Variants in PRDM11 observed in about 807,000 individuals in gnomAD.
The protein encoded by PRDM11 is PR/SET domain 11, also known as PR domain-containing protein 11.
Under a neutral mutation model 97.8 loss-of-function variants are expected in PRDM11, and 20 were observed. The ratio of observed to expected loss-of-function variants is 0.20; its 90% confidence interval spans 0.14 to 0.30. The LOEUF (loss-of-function observed/expected upper bound fraction) is 0.30. Among genes scored for constraint, PRDM11 ranks in the 10% least tolerant of loss-of-function variants. The pLI is 1.00. For synonymous variants in PRDM11, 599 were observed against 637.7 expected, an observed-to-expected ratio of 0.94 and a Z score of 0.91; for missense variants, 1,139 against 1,555.2, an observed-to-expected ratio of 0.73 and a Z score of 4.50.
chr11:45,143,365 T>C (rs1038149382), upstream of PRDM11, among the ~76,000 whole-genome samples: 1 of 152,166 alleles, frequency 6.6e-6, no homozygotes, highest in African/African-American at 2.4e-5. Context: ...GATGGACTTT[T>C]CCTTCTAAAG....
Position 45,230,573 on chromosome 11 carries a change from C to G in PRDM11, c.*2414C>G, listed in dbSNP as rs1854380624. The G allele has an allele frequency of 6.6e-6, 1 of 152,262 alleles. No individual in the cohort carries two copies. The highest frequency in any genetic ancestry group is 1.5e-5 in the Non-Finnish European group (1 of 68,066). 9.4% of individuals were successfully genotyped at this position (152,262 alleles called of 1,614,324 possible). ...GGGACTTCCTCTCCCCTCACACACG[C>G]AAACTGCTGTGTCTGGGGAGTTTTC... On this transcript the variant is annotated 3_prime_UTR_variant, in exon 8 of 8. Coordinates refer to ENST00000683152, the MANE Select transcript of PRDM11 (RefSeq NM_001384648.1).
chr11:45,141,792 A>G (rs570877287), upstream of PRDM11, among the ~76,000 whole-genome samples: 3 of 152,282 alleles, frequency 2.0e-5, no homozygotes, highest in Admixed American at 1.3e-4. Flanking sequence ...CCATGCTTCT[A>G]TTATCTCTAG....
chr11:45,204,634 C>G, intron 4 of PRDM11, 77 bp from the exon 5 acceptor site: 1 of 1,354,214 alleles, frequency 7.4e-7, no homozygotes, highest in Non-Finnish European at 1.1e-6. Context: ...AGGCCCTGGG[C>G]CCTGGTTGGG....
At chr11:45,103,876 AG>A (rs1213131042) in intron 1 of PRDM11, among the ~76,000 whole-genome samples, 1 of 151,950 alleles carries the variant, frequency 6.6e-6, no homozygotes, top group African/African-American at 2.4e-5. Flanking sequence ...CATGTAAGAA[AG>A]GGGCTTAGCT....
At chr11:45,156,622 A>G (rs1031462186) in intron 1 of PRDM11, among the ~76,000 whole-genome samples, 2 of 152,276 alleles carry the variant, frequency 1.3e-5, no homozygotes, top group Non-Finnish European at 2.9e-5. Context: ...ATCTGTTGGC[A>G]TCAGATTGGA....
upstream of PRDM11, among the ~76,000 whole-genome samples, chr11:45,145,405 CT>C (rs1333965554): frequency 1.3e-5 from 2 of 151,456 alleles, no homozygotes; most frequent in Non-Finnish European, 3.0e-5. Context: ...GCACCCCCAT[CT>C]GACCATGAAC....
upstream of PRDM11, among the ~76,000 whole-genome samples, chr11:45,146,147 G>C (rs546456452): frequency 1.1e-4 from 16 of 152,268 alleles, no homozygotes; most frequent in Admixed American, 3.3e-4. Flanking sequence ...GGACGCCTGC[G>C]TCTCGCAACT....
Position 45,228,017 on chromosome 11 carries a change from G to A in PRDM11, c.3392G>A (p.Arg1131Gln), listed in dbSNP as rs1486312164. The A allele has an allele frequency of 1.0e-5, 16 of 1,533,580 alleles. No homozygotes were observed. The highest frequency in any genetic ancestry group is 5.5e-5 in the African/African-American group (4 of 72,858). 95.0% of individuals were successfully genotyped at this position (1,533,580 alleles called of 1,614,324 possible). A position where few individuals can be genotyped will look rare whatever the true frequency, so the allele number is the denominator to read the frequency against. Residue 1131 changes from arginine (R) to glutamine (Q), a missense_variant, in exon 8 of 8, where the codon CGA becomes CAA. Arg to Gln is a conservative substitution (Grantham distance 43). Coordinates refer to ENST00000683152, the MANE Select transcript of PRDM11 (RefSeq NM_001384648.1). Reference protein sequence around the residue: ...GPPITNFDAKRALDSWFEEKS... With the variant: ...GPPITNFDAKQALDSWFEEKS... Reference sequence around the variant, plus strand: ...CCAATCACCAACTTTGATGCCAAGCGAGCCCTGGACAGCTGGTTTGAGGAG... The same window carrying A: ...CCAATCACCAACTTTGATGCCAAGCAAGCCCTGGACAGCTGGTTTGAGGAG...
chr11:45,169,046 G>A (rs1852137782), intron 1 of PRDM11, among the ~76,000 whole-genome samples: 1 of 152,202 alleles, frequency 6.6e-6, no homozygotes, highest in Non-Finnish European at 1.5e-5. Flanking sequence ...TGGTTGGGAG[G>A]AGCCCCCTCT....
intron 4 of PRDM11, among the ~76,000 whole-genome samples, chr11:45,195,384 C>T (rs945267818): frequency 2.6e-5 from 4 of 151,992 alleles, no homozygotes; most frequent in African/African-American, 7.3e-5. Flanking sequence ...TTCAACCCCT[C>T]ACCCCCACCC....
chr11:45,167,907 G>A (rs1852105893), intron 1 of PRDM11, among the ~76,000 whole-genome samples: 1 of 152,162 alleles, frequency 6.6e-6, no homozygotes, highest in Non-Finnish European at 1.5e-5. Flanking sequence ...GTGGTTTCAA[G>A]CATCTTCTGA....
At chr11:45,117,051 C>T (rs1852317498) in intron 1 of PRDM11, among the ~76,000 whole-genome samples, 1 of 152,032 alleles carries the variant, frequency 6.6e-6, no homozygotes, top group Non-Finnish European at 1.5e-5. Context: ...TGGTGAAACC[C>T]TGTCTCTACT....
chr11:45,188,759 G>A (rs1394515224), intron 4 of PRDM11, among the ~76,000 whole-genome samples: 1 of 152,194 alleles, frequency 6.6e-6, no homozygotes, highest in Non-Finnish European at 1.5e-5. Flanking sequence ...GTGATTCATT[G>A]CCAAGATCAC....
At chr11:45,127,303 A>G (rs1852596605) in intron 1 of PRDM11, among the ~76,000 whole-genome samples, 1 of 152,162 alleles carries the variant, frequency 6.6e-6, no homozygotes, top group African/African-American at 2.4e-5. Context: ...AGCTCGGAGT[A>G]GTTTGATCAT....
chr11:45,094,874 G>A (rs905802228), upstream of PRDM11, among the ~76,000 whole-genome samples: 2 of 143,222 alleles, frequency 1.4e-5, no homozygotes, highest in Middle Eastern at 3.8e-3. Flanking sequence ...AGGAAGGGAA[G>A]GAAGAGAGGA....
At chr11:45,131,652 A>T (rs1470954643) in intron 1 of PRDM11, among the ~76,000 whole-genome samples, 1 of 152,222 alleles carries the variant, frequency 6.6e-6, no homozygotes, top group Non-Finnish European at 1.5e-5. Context: ...GCCATTCAAA[A>T]TCCTATTACA....
chr11:45,224,814 T>G lies in PRDM11; in HGVS notation c.1340T>G (p.Leu447Arg), dbSNP rs1172017385. 6.2e-7 allele frequency: 1 copy of G among 1,614,060 alleles called. No individual in the cohort carries two copies. The highest frequency in any genetic ancestry group is 8.5e-7 in the Non-Finnish European group (1 of 1,180,048). ...CCCCCCGTATTGCCACCACAGGTACTGGAGCTCCCAGAGTTCTCGGACCCT... is the reference window on the plus strand; with the variant it reads ...CCCCCCGTATTGCCACCACAGGTACGGGAGCTCCCAGAGTTCTCGGACCCT... ...PEPPVLPPQV[L>R]ELPEFSDPAA... Residue 447 changes from leucine to arginine, a missense_variant, in exon 7 of 8, where the codon CTG becomes CGG. Leu to Arg is a moderately radical substitution (Grantham distance 102). Coordinates refer to ENST00000683152, the MANE Select transcript of PRDM11 (RefSeq NM_001384648.1).
In PRDM11 at chr11:45,226,353, C is replaced by T. The variant is rs1403217982; in HGVS notation, c.1728C>T (p.Arg576=). ...AGTGCCTGCAACTGTACAAGCTCCG[C>T]ATGCACCCGGAGAAGACAGAGGAGA... The part of the protein sequence containing the change: ...HKKCLQLYKL[R]MHPEKTEEMC... The change falls in exon 8 of 8, where the codon CGC becomes CGT. Residue 576 remains arginine, a synonymous_variant. Transcript: ENST00000683152. 2.6e-6 allele frequency: 4 copies of T among 1,534,008 alleles called. No individual in the cohort carries two copies. The highest frequency in any genetic ancestry group is 3.5e-6 in the Non-Finnish European group (4 of 1,146,758).
intron 1 of PRDM11, among the ~76,000 whole-genome samples, chr11:45,172,473 G>A (rs534327464): frequency 5.9e-5 from 9 of 152,192 alleles, no homozygotes; most frequent in South Asian, 4.2e-4. Flanking sequence ...GGTATGATCC[G>A]GTGGGGCTCC....
Sources: allele counts gnomAD v4.1 joint callset (sites outside exome capture counted in the v4.1 genomes callset), GRCh38; gene constraint gnomAD v4.1.1; transcripts MANE v1.5; gene names NCBI Gene and HGNC (gene_info 2026-07-23, HGNC 2026-07-21).